The following RGL1 variants were observed in gnomAD, a reference collection of about 807,000 sequenced individuals.
The protein encoded by RGL1 is ral guanine nucleotide dissociation stimulator like 1.
A neutral mutation model predicts 95.2 loss-of-function variants in RGL1; 24 were observed. The ratio of observed to expected loss-of-function variants is 0.25; its 90% confidence interval spans 0.18 to 0.35. The LOEUF (loss-of-function observed/expected upper bound fraction) is 0.35, where lower values mean the gene tolerates loss of function less well. RGL1 is among the 10% of genes least tolerant of loss of function. The pLI, the probability that RGL1 is intolerant of heterozygous loss-of-function variation, is 1.00. For synonymous variants in RGL1, 329 were observed against 344.9 expected (o/e 0.95, Z 0.51); for missense variants, 715 against 936.3 (o/e 0.76, Z 3.08).
intron 2 of RGL1, among the ~76,000 whole-genome samples, chr1:183,748,527 T>C (rs1657793994): frequency 6.7e-6 from 1 of 149,452 alleles, no homozygotes; most frequent in African/African-American, 2.5e-5. Flanking sequence ...TGCCTCAGCC[T>C]CTGGAGTAGC....
chr1:183,869,969 C>T lies in RGL1; in HGVS notation c.425+3896C>T, dbSNP rs537952060. 9.9e-5 allele frequency among the ~76,000 whole-genome samples: 15 copies of T among 152,280 alleles called. No individual in the cohort carries two copies. In the South Asian group the frequency reaches 2.9e-3, roughly 29 times the overall value. The stretch of plus-strand genomic sequence containing the variant: ...TGCCCTACAGACATTTTGGTTGTCT[C>T]AACTTGGTGGGGGGAGGCTATTGGC... On this transcript the variant is annotated intron_variant, in intron 4 of 17. Transcript: ENST00000360851.
chr1:183,679,081 C>G (rs938987336), intron 1 of RGL1, among the ~76,000 whole-genome samples: 3 of 152,152 alleles, frequency 2.0e-5, no homozygotes, highest in Admixed American at 6.5e-5. Context: ...TTCCTGGCTC[C>G]TCCTGCTGAT....
chr1:183,733,345 C>T (rs1656745351), intron 1 of RGL1, among the ~76,000 whole-genome samples: 2 of 152,068 alleles, frequency 1.3e-5, no homozygotes, highest in African/African-American at 4.8e-5. Context: ...ACTTTGTATT[C>T]GCTTTTGGGC....
At chr1:183,772,169 C>G (rs565746637) in intron 2 of RGL1, among the ~76,000 whole-genome samples, 1 of 152,208 alleles carries the variant, frequency 6.6e-6, no homozygotes. Flanking sequence ...AAGGCAGGAA[C>G]CTGGGATACA....
chr1:183,650,272 G>A (rs1650626981), intron 1 of RGL1, among the ~76,000 whole-genome samples: 1 of 147,168 alleles, frequency 6.8e-6, no homozygotes, highest in Non-Finnish European at 1.5e-5. Flanking sequence ...GGCCAGGCGT[G>A]GTGGCTCACG....
chr1:183,647,519 A>G, intron 1 of RGL1: 1 of 1,187,424 alleles, frequency 8.4e-7, no homozygotes, highest in Non-Finnish European at 1.1e-6. Flanking sequence ...AAATAGTGTA[A>G]CTTTATAATA....
intron 4 of RGL1, among the ~76,000 whole-genome samples, chr1:183,878,682 A>C (rs1376031490): frequency 6.6e-6 from 1 of 152,196 alleles, no homozygotes; most frequent in East Asian, 1.9e-4. Context: ...GTTTTATCAT[A>C]ATAATTAAGG....
intron 2 of RGL1, among the ~76,000 whole-genome samples, chr1:183,825,373 G>A (rs908912902): frequency 3.9e-5 from 6 of 152,154 alleles, no homozygotes; most frequent in Non-Finnish European, 8.8e-5. Context: ...GTCATGTTCA[G>A]GGGACCAAAA....
Position 183,847,748 on chromosome 1 carries a change from A to T in RGL1, c.321A>T (p.Lys107Asn), listed in dbSNP as rs754080127. ...CGTACAGAGGCTTTGCCTCCACTAA[A>T]GAAGTGCTGGAACTACTGCTGGACA... ...LSTYRGFAST[K>N]EVLELLLDRY... Residue 107 changes from lysine (K) to asparagine (N), a missense_variant, in exon 3 of 18, where the codon AAA becomes AAT. Coordinates refer to ENST00000360851, the MANE Select transcript of RGL1 (RefSeq NM_001297671.3). The T allele has an allele frequency of 2.5e-6, 4 of 1,614,060 alleles. No individual in the cohort carries two copies. In the South Asian group the frequency reaches 4.4e-5, roughly 18 times the overall value.
At chr1:183,746,327 C>A (rs756855095) in intron 2 of RGL1, among the ~76,000 whole-genome samples, 1 of 152,052 alleles carries the variant, frequency 6.6e-6, no homozygotes, top group Non-Finnish European at 1.5e-5. Context: ...TACACACACA[C>A]ACATGCACAC....
At chr1:183,879,299 A>G (rs1572543996) in intron 4 of RGL1, among the ~76,000 whole-genome samples, 1 of 152,332 alleles carries the variant, frequency 6.6e-6, no homozygotes, top group East Asian at 1.9e-4. Context: ...GGCTTTAGTC[A>G]TACTTATGCT....
At chr1:183,822,901 T>C (rs1662588858) in intron 2 of RGL1, among the ~76,000 whole-genome samples, 1 of 152,208 alleles carries the variant, frequency 6.6e-6, no homozygotes, top group Admixed American at 6.5e-5. Flanking sequence ...TTTCCTGTTT[T>C]AGGGTCTTTT....
chr1:183,711,573 G>A (rs1655271264), intron 1 of RGL1, among the ~76,000 whole-genome samples: 2 of 152,174 alleles, frequency 1.3e-5, no homozygotes, highest in South Asian at 4.1e-4. Context: ...GTTGAATGGG[G>A]TACAAAGGTG....
At chr1:183,883,351 A>G (rs1426825701) in intron 5 of RGL1, among the ~76,000 whole-genome samples, 1 of 152,230 alleles carries the variant, frequency 6.6e-6, no homozygotes, top group African/African-American at 2.4e-5. Context: ...TTTATTGCCC[A>G]AAGTCATACC....
chr1:183,882,709 A>G (rs1317346700), intron 5 of RGL1, among the ~76,000 whole-genome samples: 1 of 152,212 alleles, frequency 6.6e-6, no homozygotes, highest in Non-Finnish European at 1.5e-5. Context: ...ATAGGCAGAT[A>G]ACCACATGCT....
intron 1 of RGL1, among the ~76,000 whole-genome samples, chr1:183,722,506 A>C (rs186483509): frequency 1.3e-3 from 197 of 152,320 alleles, no homozygotes; most frequent in Admixed American, 4.1e-3. Flanking sequence ...CAAGATACCT[A>C]CTAGGGAAAC....
At chr1:183,819,984 G>A (rs1456073836) in intron 2 of RGL1, among the ~76,000 whole-genome samples, 1 of 151,750 alleles carries the variant, frequency 6.6e-6, no homozygotes, top group Non-Finnish European at 1.5e-5. Flanking sequence ...GGGGGGTCTC[G>A]CTATGTTGCC....
At chr1:183,700,031 C>T (rs1214231085) in intron 1 of RGL1, among the ~76,000 whole-genome samples, 1 of 152,158 alleles carries the variant, frequency 6.6e-6, no homozygotes, top group Non-Finnish European at 1.5e-5. Context: ...TTTTGCCTGC[C>T]AGACCAAGCC....
At chr1:183,820,819 A>T (rs914320468) in intron 2 of RGL1, among the ~76,000 whole-genome samples, 3 of 152,168 alleles carry the variant, frequency 2.0e-5, no homozygotes, top group Non-Finnish European at 2.9e-5. Context: ...AATAAAATGT[A>T]TCGTTAAAAT....
Sources: gnomAD v4.1 joint callset for allele counts (sites outside exome capture counted in the v4.1 genomes callset) on GRCh38, gnomAD v4.1.1 for gene constraint, MANE v1.5 for transcripts, NCBI Gene and HGNC (gene_info 2026-07-23, HGNC 2026-07-21) for gene names.